The following EGLN3 variants were observed in gnomAD, a reference collection of about 807,000 sequenced individuals.
EGLN3 encodes prolyl hydroxylase EGLN3.
EGLN3 carries 15 observed loss-of-function variants against 26.0 expected under a neutral mutation model. That is an observed-to-expected ratio of 0.58 (90% CI 0.39 to 0.89). The LOEUF (loss-of-function observed/expected upper bound fraction) is 0.89. Ranked by LOEUF, EGLN3 falls within the 40% of genes least tolerant of loss-of-function variation. EGLN3 has a pLI of 0.00. For missense variants in EGLN3, 238 were observed against 311.6 expected (o/e 0.76, Z 1.78); for synonymous variants, 147 against 127.2 (o/e 1.16, Z -1.05).
In EGLN3 at chr14:33,925,904, A is replaced by T. The variant is rs367909289; in HGVS notation, c.707T>A (p.Leu236His). 8.1e-5 allele frequency: 131 copies of T among 1,612,932 alleles called. No homozygotes were observed. Among genetic ancestry groups the T allele is most frequent in the Non-Finnish European group, 1.1e-4 (126 of 1,179,600 alleles). Residue 236 changes from leucine (L) to histidine (H), a missense_variant, in exon 5 of 5, where the codon CTC (leucine) becomes CAC (histidine). Coordinates refer to ENST00000250457, the MANE Select transcript of EGLN3 (RefSeq NM_022073.4). ...RNLTRKTESA[L>H]TED ...TTCAGAGCACGGTCAGTCTTCAGTG[A>T]GGGCAGATTCAGTTTTCCCTGGGTT...
intron 3 of EGLN3, among the ~76,000 whole-genome samples, chr14:33,927,281 G>T (rs1425993748): frequency 2.0e-5 from 3 of 151,810 alleles, no homozygotes; most frequent in Admixed American, 2.0e-4. Context: ...CGATTCTCCT[G>T]CCTCAGCTTC....
intron 1 of EGLN3, among the ~76,000 whole-genome samples, chr14:33,933,199 G>C (rs557823246): frequency 1.4e-4 from 21 of 151,912 alleles, no homozygotes; most frequent in Admixed American, 4.6e-4. Flanking sequence ...AGCTGTCAAA[G>C]GCCCAAGAAG....
rs185205074 is a variant in EGLN3, at chr14:33,934,855, C to G, written c.358-3640G>C. On this transcript the variant is annotated intron_variant, in intron 1 of 4. Transcript: ENST00000250457. Reference sequence around the variant, plus strand: ...AAATTTAACTCACCAAATTAAAGTACTAATTAGATCTCATTTTATTTGCAA... The same window carrying G: ...AAATTTAACTCACCAAATTAAAGTAGTAATTAGATCTCATTTTATTTGCAA... 1.2e-3 allele frequency among the ~76,000 whole-genome samples: 183 copies of G among 152,304 alleles called. 1 individual carries two copies. Among genetic ancestry groups the G allele is most frequent in the Middle Eastern group, 3.4e-3 (1 of 294 alleles).
intron 2 of EGLN3, 60 bp from the exon 3 acceptor site, chr14:33,929,272 T>C: frequency 1.3e-6 from 2 of 1,589,276 alleles, no homozygotes; most frequent in Admixed American, 1.7e-5. Context: ...TCAACAACCA[T>C]ATTTCAGCTC....
intron 1 of EGLN3, among the ~76,000 whole-genome samples, chr14:33,942,158 C>T (rs1327010376): frequency 6.6e-6 from 1 of 152,024 alleles, no homozygotes; most frequent in Non-Finnish European, 1.5e-5. Context: ...AAATGGATTA[C>T]AGGAAGAACA....
At position 33,925,784 on chromosome 14, in the gene EGLN3, C is replaced by T. The variant is rs932360599; in HGVS notation, c.*107G>A. On this transcript the variant is annotated 3_prime_UTR_variant, in exon 5 of 5. Coordinates refer to ENST00000250457, the MANE Select transcript of EGLN3 (RefSeq NM_022073.4). ...GGGATGTGAAGGATGCAAGAAGTAG[C>T]AGGGAGATTGTTGTCACTGAAGAGG... 6 of 1,278,756 alleles carry T rather than the reference C, an allele frequency of 4.7e-6. No individual in the cohort carries two copies. Among genetic ancestry groups the T allele is most frequent in the African/African-American group, 4.4e-5 (3 of 67,900 alleles). 79.2% of individuals were successfully genotyped at this position (1,278,756 alleles called of 1,614,324 possible).
chr14:33,936,092 A>G lies in EGLN3; in HGVS notation c.358-4877T>C, dbSNP rs7156782. Among the ~76,000 whole-genome samples, 12 of 152,084 alleles carry G rather than the reference A, an allele frequency of 7.9e-5. 1 individual carries two copies. The highest frequency in any genetic ancestry group is 1.8e-4 in the Non-Finnish European group (12 of 68,012). On this transcript the variant is annotated intron_variant, in intron 1 of 4. Transcript: ENST00000250457. The stretch of plus-strand genomic sequence containing the variant: ...CTAAAAATACAAAAATTAGTTGGGC[A>G]TGGTGGCGCACGCCTGTAATCCCAG...
Position 33,926,960 on chromosome 14 carries a change from T to C in EGLN3, c.688A>G (p.Arg230Gly). The C allele has an allele frequency of 1.2e-6, 2 of 1,602,622 alleles. No homozygotes were observed. Among genetic ancestry groups the C allele is most frequent in the South Asian group, 1.1e-5 (1 of 89,378 alleles). ...TCACAGAAAATTATCAAACACATAC[T>C]AGTTAAATTCCTGAATTTCTTTTTG... ...EAKKKFRNLT[R>G]KTESALTED Residue 230 changes from arginine (R) to glycine (G), a missense_variant and splice_region_variant, in exon 4 of 5, where the codon AGG becomes GGG. Transcript: ENST00000250457.
rs1237403062 is a variant in EGLN3 at position 33,950,538 on chromosome 14, T to A, written c.215A>T (p.His72Leu). 6.2e-7 allele frequency: 1 copy of A among 1,613,358 alleles called. No homozygotes were observed. The highest frequency in any genetic ancestry group is 1.1e-5 in the South Asian group (1 of 91,076). The change falls in exon 1 of 5, where the codon CAC becomes CTC. Residue 72 changes from histidine to leucine, a missense_variant. Physicochemically the swap from His to Leu is moderately conservative, Grantham distance 99. Coordinates refer to ENST00000250457, the MANE Select transcript of EGLN3 (RefSeq NM_022073.4). The stretch of plus-strand genomic sequence containing the variant: ...CCACGTGATCTGGTCGCCCCGCAGG[T>A]GTCGCTTGGAGACGCCGGCGCGCGG... ...AGPRAGVSKR[H>L]LRGDQITWIG... is the part of the protein sequence containing the mutation.
chr14:33,939,281 G>A (rs572750277), intron 1 of EGLN3, among the ~76,000 whole-genome samples: 19 of 151,924 alleles, frequency 1.3e-4, no homozygotes, highest in Middle Eastern at 3.4e-3. Context: ...CGCGATCTCG[G>A]CTCACTGCAA....
chr14:33,950,594 G>T lies in EGLN3; in HGVS notation c.159C>A (p.Thr53=). 1 of 1,613,334 alleles carries T rather than the reference G, an allele frequency of 6.2e-7. No homozygotes were observed. Among genetic ancestry groups the T allele is most frequent in the Non-Finnish European group, 8.5e-7 (1 of 1,179,788 alleles). The change falls in exon 1 of 5, where the codon ACC becomes ACA. Residue 53 remains threonine, a synonymous_variant. Transcript: ENST00000250457. ...VLERVKQLHC[T]GALRDGQLAG... The stretch of plus-strand genomic sequence containing the variant: ...CCAGCTGGCCGTCCCGCAGGGCCCC[G>T]GTGCAGTGCAGCTGCTTGACGCGCT...
chr14:33,944,178 A>G (rs1401457368), intron 1 of EGLN3, among the ~76,000 whole-genome samples: 1 of 151,774 alleles, frequency 6.6e-6, no homozygotes, highest in Non-Finnish European at 1.5e-5. Flanking sequence ...CTGGAGTGCA[A>G]TGGTGCAATC....
chr14:33,945,516 A>G (rs1384372), intron 1 of EGLN3, among the ~76,000 whole-genome samples: 38,228 of 152,178 alleles, frequency 0.25, 5,675 homozygotes, highest in Non-Finnish European at 0.35. Context: ...CTGCAACTAA[A>G]GGCTGAGGTG....
rs2138806893 is a variant in EGLN3, at chr14:33,925,436, T to C, written c.*455A>G. ...TGGATTAAGAACATCTGGAAATTGTTCAGATGACACAAATTTCTCTGTTTC... is the reference window on the plus strand; with the variant it reads ...TGGATTAAGAACATCTGGAAATTGTCCAGATGACACAAATTTCTCTGTTTC... On this transcript the variant is annotated 3_prime_UTR_variant, in exon 5 of 5. Transcript: ENST00000250457. The C allele has an allele frequency of 6.1e-6, 1 of 162,944 alleles. No homozygotes were observed. The highest frequency in any genetic ancestry group is 3.2e-3 in the Middle Eastern group (1 of 312). The allele number at this position is 162,944 out of a possible 1,614,324, so 10.1% of individuals were successfully genotyped here.
intron 1 of EGLN3, among the ~76,000 whole-genome samples, chr14:33,938,992 CT>C (rs1478918052): frequency 6.6e-6 from 1 of 152,188 alleles, no homozygotes; most frequent in Non-Finnish European, 1.5e-5. Flanking sequence ...CTATGGCTCT[CT>C]AAAGGCTTTG....
At chr14:33,939,524 A>G (rs1206944794) in intron 1 of EGLN3, among the ~76,000 whole-genome samples, 1 of 152,234 alleles carries the variant, frequency 6.6e-6, no homozygotes, top group African/African-American at 2.4e-5. Flanking sequence ...CAATCTTAAA[A>G]CAGGAGAAAC....
rs1260622588 is a variant in EGLN3 at position 33,950,615 on chromosome 14, G to C, written c.138C>G (p.Arg46=). The C allele has an allele frequency of 6.2e-7, 1 of 1,613,742 alleles. No individual in the cohort carries two copies. The stretch of plus-strand genomic sequence containing the variant: ...CCCCGGTGCAGTGCAGCTGCTTGAC[G>C]CGCTCCAGGACGCAGTCGCCCACCA... ...GEVVGDCVLE[R]VKQLHCTGAL... The change falls in exon 1 of 5, where the codon CGC becomes CGG. Residue 46 remains arginine, a synonymous_variant. Coordinates refer to ENST00000250457, the MANE Select transcript of EGLN3 (RefSeq NM_022073.4).
intron 1 of EGLN3, among the ~76,000 whole-genome samples, chr14:33,946,994 T>C (rs2064522493): frequency 6.6e-6 from 1 of 152,232 alleles, no homozygotes; most frequent in South Asian, 2.1e-4. Flanking sequence ...TTAAGCAAGA[T>C]AGTATTTGTA....
chr14:33,932,640 A>G (rs1462392528), intron 1 of EGLN3, among the ~76,000 whole-genome samples: 3 of 152,166 alleles, frequency 2.0e-5, no homozygotes, highest in African/African-American at 4.8e-5. Context: ...TCATATCCTC[A>G]TGCAGCAAAC....
Sources: allele counts gnomAD v4.1 joint callset (sites outside exome capture counted in the v4.1 genomes callset), GRCh38; gene constraint gnomAD v4.1.1; transcripts MANE v1.5; gene names NCBI Gene and HGNC (gene_info 2026-07-23, HGNC 2026-07-21).